Variants in ASDURF observed in about 807,000 individuals in gnomAD.
The protein encoded by ASDURF is ASNSD1 upstream open reading frame.
A neutral mutation model predicts 3.3 loss-of-function variants in ASDURF; 3 were observed. The observed-to-expected ratio is 0.92, with a 90% CI of 0.42 to 2.37. ASDURF has a LOEUF of 2.37. Among genes scored for constraint, ASDURF ranks in the 30% most tolerant of loss-of-function variants. ASDURF has a pLI of 0.05. For missense variants in ASDURF, 23 were observed against 25.4 expected, an observed-to-expected ratio of 0.90 and a Z score of 0.21; for synonymous variants, 11 against 8.3, an observed-to-expected ratio of 1.32 and a Z score of -0.55.
At chr2:189,662,312 A>G (rs1019782531) in intron 1 of ASDURF, among the ~76,000 whole-genome samples, 2 of 152,234 alleles carry the variant, frequency 1.3e-5, no homozygotes, top group Admixed American at 6.5e-5. Context: ...CCCTTCAGGT[A>G]TTACATGTCC....
rs547073070 is a variant in ASDURF, at chr2:189,665,525, A to T, written c.220+74A>T. ...CATCTGAGTGTTAAAATATATATCT[A>T]AAGATTAATGCAGCAGTTTGATTTT... On this transcript the variant is annotated intron_variant, in intron 3 of 3. Coordinates refer to ENST00000607829, the MANE Select transcript of ASDURF (RefSeq NM_001353493.2). 396 of 372,944 alleles carry T rather than the reference A, an allele frequency of 1.1e-3. 2 individuals are homozygous for T. The highest frequency in any genetic ancestry group is 1.6e-3 in the Non-Finnish European group (336 of 211,742). The allele number at this position is 372,944 out of a possible 1,614,324, so 23.1% of individuals were successfully genotyped here. A position where few individuals can be genotyped will look rare whatever the true frequency, so the allele number is the denominator to read the frequency against.
At chr2:189,662,839 C>G (rs1395735318) in intron 1 of ASDURF, among the ~76,000 whole-genome samples, 1 of 151,520 alleles carries the variant, frequency 6.6e-6, no homozygotes, top group East Asian at 1.9e-4. Context: ...GTCCCAGCTA[C>G]TCGGAGGCTA....
At chr2:189,661,729 T>C (rs2032669364) in intron 1 of ASDURF, 119 bp downstream of exon 1, 1 of 398,064 alleles carries the variant, frequency 2.5e-6, no homozygotes, top group Admixed American at 4.4e-5. Context: ...GCCCTGCTAC[T>C]TTGCTCTTTT....
intron 1 of ASDURF, 131 bp from the exon 2 acceptor site, chr2:189,663,770 C>T (rs1452372993): frequency 3.0e-6 from 1 of 337,020 alleles, no homozygotes; most frequent in East Asian, 4.0e-5. Context: ...TATTCACAAA[C>T]TGCCCGTTTG....
chr2:189,666,331 G>C lies in ASDURF; in HGVS notation c.*220G>C. On this transcript the variant is annotated 3_prime_UTR_variant, in exon 4 of 4. Transcript: ENST00000607829. ...TGTTTTGACTACCCAGCCTGTGGAA[G>C]ATGAAAGAGGCAATGTGTTTCTATG... 1 of 1,613,900 alleles carries C rather than the reference G, an allele frequency of 6.2e-7. No individual in the cohort carries two copies. The highest frequency in any genetic ancestry group is 8.5e-7 in the Non-Finnish European group (1 of 1,179,878).
chr2:189,666,100 A>G lies in ASDURF; in HGVS notation c.280A>G (p.Ile94Val). ...AATAGAAAACTTAGACAAGACCAAA[A>G]TCAAGAAATAGTCAACCTGATTTCA... ...QEIENLDKTK[I>V]KK Residue 94 changes from isoleucine to valine, a missense_variant, in exon 4 of 4, where the codon ATC (isoleucine) becomes GTC (valine). Transcript: ENST00000607829. 1.3e-6 allele frequency: 2 copies of G among 1,498,696 alleles called. No homozygotes were observed. Among genetic ancestry groups the G allele is most frequent in the South Asian group, 1.5e-5 (1 of 68,874 alleles). 92.8% of individuals were successfully genotyped at this position (1,498,696 alleles called of 1,614,324 possible).
At chr2:189,661,824 G>C (rs1041201358) in intron 1 of ASDURF, among the ~76,000 whole-genome samples, 1 of 152,176 alleles carries the variant, frequency 6.6e-6, no homozygotes, top group African/African-American at 2.4e-5. Context: ...TTTGTCCCGA[G>C]ACTGGACCCA....
intron 2 of ASDURF, among the ~76,000 whole-genome samples, chr2:189,665,160 T>C (rs2032756988): frequency 6.6e-6 from 1 of 152,172 alleles, no homozygotes; most frequent in South Asian, 2.1e-4. Flanking sequence ...AGTAAGAACC[T>C]TTTTTGTTAA....
At position 189,663,732 on chromosome 2, in the gene ASDURF, C is replaced by A. The variant is rs146530100; in HGVS notation, c.91-169C>A. ...GCTTTTCCTGAACTGTACCCCCACACAGAGACTCCTGTTGAAAATGATCTG... is the reference window on the plus strand; with the variant it reads ...GCTTTTCCTGAACTGTACCCCCACAAAGAGACTCCTGTTGAAAATGATCTG... On this transcript the variant is annotated intron_variant, in intron 1 of 3. Transcript: ENST00000607829. Among the ~76,000 whole-genome samples, 200 of 152,308 alleles carry A rather than the reference C, an allele frequency of 1.3e-3. 1 individual carries two copies. The highest frequency in any genetic ancestry group is 4.7e-3 in the African/African-American group (195 of 41,574).
chr2:189,666,300 G>A lies in ASDURF; in HGVS notation c.*189G>A. On this transcript the variant is annotated 3_prime_UTR_variant, in exon 4 of 4. Coordinates refer to ENST00000607829, the MANE Select transcript of ASDURF (RefSeq NM_001353493.2). ...TATTTTCTGCTCACGTCCTACACTT[G>A]AGGGGTGTTTTGACTACCCAGCCTG... The A allele has an allele frequency of 6.2e-7, 1 of 1,614,042 alleles. No homozygotes were observed. Among genetic ancestry groups the A allele is most frequent in the Non-Finnish European group, 8.5e-7 (1 of 1,179,988 alleles).
At chr2:189,663,989 G>T (rs2032731063) in intron 2 of ASDURF, 35 bp downstream of exon 2, 1 of 382,458 alleles carries the variant, frequency 2.6e-6, no homozygotes, top group Non-Finnish European at 4.7e-6. Flanking sequence ...TAATATGTGG[G>T]AGGTTTATTT....
At chr2:189,664,758 A>T (rs960731788) in intron 2 of ASDURF, among the ~76,000 whole-genome samples, 3 of 152,188 alleles carry the variant, frequency 2.0e-5, no homozygotes, top group African/African-American at 7.2e-5. Context: ...AAAAAAAAAA[A>T]AAGAAGTTGA....
At position 189,661,600 on chromosome 2, in the gene ASDURF, T is replaced by C; in HGVS notation, c.80T>C (p.Leu27Pro). Reference sequence around the variant, plus strand: ...AATTCGACCCCACACAAGGAGGATCTAAGCAGCAAGGTGAGTGTGAGACGC... The same window carrying C: ...AATTCGACCCCACACAAGGAGGATCCAAGCAGCAAGGTGAGTGTGAGACGC... The part of the protein sequence containing the change: ...TDNSTPHKED[L>P]SSKIKEQKIV... The change falls in exon 1 of 4, where the codon CTA (leucine) becomes CCA (proline). Residue 27 changes from leucine (L) to proline (P), a missense_variant. By Grantham distance (98) the Leu-to-Pro change is moderately conservative. Coordinates refer to ENST00000607829, the MANE Select transcript of ASDURF (RefSeq NM_001353493.2). 2.5e-6 allele frequency: 1 copy of C among 399,348 alleles called. No individual in the cohort carries two copies. The highest frequency in any genetic ancestry group is 1.3e-4 in the South Asian group (1 of 7,852). The allele number at this position is 399,348 out of a possible 1,614,324, so 24.7% of individuals were successfully genotyped here. A position where few individuals can be genotyped will look rare whatever the true frequency, so the allele number is the denominator to read the frequency against.
intron 3 of ASDURF, among the ~76,000 whole-genome samples, 179 bp downstream of exon 3, chr2:189,665,630 A>ATATATGTG (rs2032781875): frequency 1.0e-5 from 1 of 97,550 alleles, no homozygotes; most frequent in Non-Finnish European, 2.2e-5. Context: ...ATATATATAT[A>ATATATGTG]TATATATATA....
intron 1 of ASDURF, among the ~76,000 whole-genome samples, chr2:189,662,940 C>A (rs1316177968): frequency 8.9e-6 from 1 of 111,818 alleles, no homozygotes; most frequent in African/African-American, 2.9e-5. Context: ...CAGAGCAAGA[C>A]CCTGTTTCAA....
Position 189,666,042 on chromosome 2 carries a change from T to A in ASDURF, c.222T>A (p.Asn74Lys). 2 of 1,338,676 alleles carry A rather than the reference T, an allele frequency of 1.5e-6. No homozygotes were observed. Among genetic ancestry groups the A allele is most frequent in the Non-Finnish European group, 2.0e-6 (2 of 989,084 alleles). The allele number at this position is 1,338,676 out of a possible 1,614,324, so 82.9% of individuals were successfully genotyped here. A position where few individuals can be genotyped will look rare whatever the true frequency, so the allele number is the denominator to read the frequency against. ...ATTTATTCTCCTTCCCTGCAACAGA[T>A]ATATTGGATGAACTGAAAAAAGAAT... Reference protein sequence around the residue: ...DRTEMLSESKNILDELKKEYQ... With the variant: ...DRTEMLSESKKILDELKKEYQ... Residue 74 changes from asparagine (N) to lysine (K), a missense_variant and splice_region_variant, in exon 4 of 4, where the codon AAT becomes AAA. Asn to Lys is a moderately conservative substitution (Grantham distance 94). Coordinates refer to ENST00000607829, the MANE Select transcript of ASDURF (RefSeq NM_001353493.2).
intron 2 of ASDURF, 126 bp downstream of exon 2, chr2:189,664,080 CTT>C (rs1205854234): frequency 6.1e-6 from 2 of 329,318 alleles, no homozygotes; most frequent in Non-Finnish European, 1.1e-5. Flanking sequence ...ATTTCAGCAT[CTT>C]TTAAAATTGC....
chr2:189,663,692 GTT>G (rs1574276651), intron 1 of ASDURF, among the ~76,000 whole-genome samples: 1 of 152,294 alleles, frequency 6.6e-6, no homozygotes, highest in African/African-American at 2.4e-5. Context: ...TCTAATCACT[GTT>G]TTTTCTCCTC....
Position 189,666,118 on chromosome 2 carries a change from T to G in ASDURF, c.*7T>G. 6.6e-7 allele frequency: 1 copy of G among 1,513,386 alleles called. No homozygotes were observed. The allele number at this position is 1,513,386 out of a possible 1,614,324, so 93.7% of individuals were successfully genotyped here. ...GACCAAAATCAAGAAATAGTCAACC[T>G]GATTTCACATAACAATGTGTGGCAT... is the stretch of plus-strand genomic sequence containing the variant. On this transcript the variant is annotated 3_prime_UTR_variant, in exon 4 of 4. Transcript: ENST00000607829.
Sources: gnomAD v4.1 joint callset for allele counts (sites outside exome capture counted in the v4.1 genomes callset) on GRCh38, gnomAD v4.1.1 for gene constraint, MANE v1.5 for transcripts, NCBI Gene and HGNC (gene_info 2026-07-23, HGNC 2026-07-21) for gene names.